Variants in NKAIN3 observed in about 807,000 individuals in gnomAD.
NKAIN3 encodes sodium/potassium transporting ATPase interacting 3, also known as sodium/potassium-transporting ATPase subunit beta-1-interacting protein 3.
Under a neutral mutation model 30.2 loss-of-function variants are expected in NKAIN3, and 25 were observed. That is an observed-to-expected ratio of 0.83 (90% confidence interval 0.60 to 1.16). The LOEUF is 1.16. Among genes scored for constraint, NKAIN3 ranks in the 50% most tolerant of loss-of-function variants. The probability of loss-of-function intolerance (pLI) is 0.00; values close to 1 mark genes in which losing one functional copy is unlikely to be tolerated. For synonymous variants in NKAIN3, 91 were observed against 89.6 expected (o/e 1.02, Z -0.09); for missense variants, 225 against 254.1 (o/e 0.89, Z 0.78).
rs1809147607 is a variant in NKAIN3 at position 62,550,025 on chromosome 8, A to T, written c.55-29514A>T. Among the ~76,000 whole-genome samples the T allele has an allele frequency of 2.0e-5, 3 of 151,256 alleles. No individual in the cohort carries two copies. In the Admixed American group the frequency reaches 2.0e-4, roughly 10 times the overall value. Reference sequence around the variant, plus strand: ...AAAGTATGAATGGATCCTATTAGTGAGATAAAAACTAGTTATGGAGACCAA... The same window carrying T: ...AAAGTATGAATGGATCCTATTAGTGTGATAAAAACTAGTTATGGAGACCAA... On this transcript the variant is annotated intron_variant, in intron 1 of 6. Coordinates refer to ENST00000623646, the MANE Select transcript of NKAIN3 (RefSeq NM_001304533.3).
chr8:62,589,874 ATTGTGTGTGTGTGT>A, intron 3 of NKAIN3, 80 bp downstream of exon 3: 1 of 593,434 alleles, frequency 1.7e-6, no homozygotes, highest in South Asian at 1.9e-5. Flanking sequence ...ATATAGGTAT[ATTGTGTGTGTGTGT>A]GTGTGTGTGT....
intron 4 of NKAIN3, among the ~76,000 whole-genome samples, chr8:62,792,310 T>G (rs1387251948): frequency 6.6e-6 from 1 of 152,118 alleles, no homozygotes; most frequent in African/African-American, 2.4e-5. Context: ...ACTTATCAAC[T>G]TAAAAAAAGT....
intron 1 of NKAIN3, among the ~76,000 whole-genome samples, chr8:62,329,567 C>T (rs570209927): frequency 5.9e-4 from 90 of 152,168 alleles, no homozygotes; most frequent in Non-Finnish European, 1.1e-3. Context: ...GTTTAGTTTC[C>T]ACTTATAAGT....
intron 1 of NKAIN3, among the ~76,000 whole-genome samples, chr8:62,325,015 A>G (rs1585681757): frequency 6.6e-6 from 1 of 152,076 alleles, no homozygotes; most frequent in Non-Finnish European, 1.5e-5. Context: ...TTTGGGGTAC[A>G]TGTGGTTTGG....
intron 1 of NKAIN3, among the ~76,000 whole-genome samples, chr8:62,360,899 T>A (rs750487302): frequency 6.6e-6 from 1 of 152,162 alleles, no homozygotes; most frequent in Non-Finnish European, 1.5e-5. Context: ...TTTTTAATCT[T>A]TGTTGGTTTA....
intron 4 of NKAIN3, among the ~76,000 whole-genome samples, chr8:62,887,508 A>G (rs991844839): frequency 1.3e-5 from 2 of 151,836 alleles, no homozygotes; most frequent in African/African-American, 4.8e-5. Flanking sequence ...CATATTTTAT[A>G]CCTTTTGTAG....
chr8:62,470,398 T>C (rs561605631), intron 1 of NKAIN3, among the ~76,000 whole-genome samples: 2 of 152,160 alleles, frequency 1.3e-5, no homozygotes, highest in Non-Finnish European at 2.9e-5. Flanking sequence ...TGGGAACAAT[T>C]TCTTTGGAAT....
At chr8:62,269,868 T>C (rs1319568800) in intron 1 of NKAIN3, among the ~76,000 whole-genome samples, 5 of 152,164 alleles carry the variant, frequency 3.3e-5, no homozygotes, top group Non-Finnish European at 7.3e-5. Flanking sequence ...CACTGTTTTA[T>C]AGGAAGCCAT....
chr8:62,825,264 T>A (rs578020892), intron 4 of NKAIN3, among the ~76,000 whole-genome samples: 2 of 152,336 alleles, frequency 1.3e-5, no homozygotes, highest in South Asian at 4.1e-4. Flanking sequence ...TATTTATAAC[T>A]CCCATGGACT....
intron 4 of NKAIN3, among the ~76,000 whole-genome samples, chr8:62,823,915 G>A (rs1818935765): frequency 6.6e-6 from 1 of 152,104 alleles, no homozygotes; most frequent in Non-Finnish European, 1.5e-5. Flanking sequence ...GCTCGCTGGT[G>A]GAAAGTTTCA....
intron 3 of NKAIN3, among the ~76,000 whole-genome samples, chr8:62,699,149 C>A (rs1647810552): frequency 6.6e-6 from 1 of 152,116 alleles, no homozygotes; most frequent in African/African-American, 2.4e-5. Context: ...AAATCTCTTT[C>A]AAGATTCATA....
At chr8:62,588,136 T>C (rs1243946636) in intron 2 of NKAIN3, among the ~76,000 whole-genome samples, 1 of 151,852 alleles carries the variant, frequency 6.6e-6, no homozygotes, top group African/African-American at 2.4e-5. Context: ...TGCTCTCTCA[T>C]TTCAATATAC....
At chr8:62,423,930 G>A (rs1484279402) in intron 1 of NKAIN3, among the ~76,000 whole-genome samples, 4 of 151,936 alleles carry the variant, frequency 2.6e-5, no homozygotes, top group Non-Finnish European at 5.9e-5. Context: ...GCTGAACACT[G>A]GCTTTGTGGG....
intron 4 of NKAIN3, among the ~76,000 whole-genome samples, chr8:62,809,356 T>C (rs529466160): frequency 3.9e-5 from 6 of 152,152 alleles, no homozygotes; most frequent in Non-Finnish European, 8.8e-5. Context: ...AGAGTATTGA[T>C]TGGGGAAGTG....
intron 6 of NKAIN3, among the ~76,000 whole-genome samples, chr8:62,957,646 A>G (rs72656534): frequency 0.22 from 33,206 of 152,122 alleles, 4,341 homozygotes; most frequent in South Asian, 0.33. Flanking sequence ...ATATAATTCC[A>G]ATTATATGGC....
chr8:62,776,945 C>T (rs1817209334), intron 4 of NKAIN3, among the ~76,000 whole-genome samples: 1 of 152,118 alleles, frequency 6.6e-6, no homozygotes, highest in Non-Finnish European at 1.5e-5. Flanking sequence ...ATTTCTCCTT[C>T]ATGTTTAAAG....
rs533568572 is a variant in NKAIN3, at chr8:62,905,623, C to A, written c.472-12830C>A. Among the ~76,000 whole-genome samples, 27 of 152,244 alleles carry A rather than the reference C, an allele frequency of 1.8e-4. No individual in the cohort carries two copies. In the East Asian group the frequency reaches 4.7e-3, roughly 26 times the overall value. On this transcript the variant is annotated intron_variant, in intron 4 of 6. Transcript: ENST00000623646. ...GATCGGATTTTTGCCCTTCTCTCCA[C>A]CAAAATGACCATAATTAAGACCACT...
intron 3 of NKAIN3, among the ~76,000 whole-genome samples, chr8:62,668,705 GGAAA>G (rs1384543042): frequency 6.6e-6 from 1 of 152,042 alleles, no homozygotes; most frequent in African/African-American, 2.4e-5. Flanking sequence ...GAAAGGTGAA[GGAAA>G]GAGATATAAG....
chr8:62,254,353 A>G (rs375134944), intron 1 of NKAIN3, among the ~76,000 whole-genome samples: 2 of 152,148 alleles, frequency 1.3e-5, no homozygotes, highest in East Asian at 3.9e-4. Context: ...CATGAACAAT[A>G]TTGGTATTTA....
Sources: allele counts gnomAD v4.1 joint callset (sites outside exome capture counted in the v4.1 genomes callset), GRCh38; gene constraint gnomAD v4.1.1; transcripts MANE v1.5; gene names NCBI Gene and HGNC (gene_info 2026-07-23, HGNC 2026-07-21).